Variants in FER observed in about 807,000 individuals in gnomAD.
FER encodes the protein tyrosine-protein kinase Fer.
In FER, 63 loss-of-function variants were observed where a neutral mutation model predicts 111.0. The ratio of observed to expected loss-of-function variants is 0.57; its 90% confidence interval spans 0.46 to 0.70. The LOEUF (loss-of-function observed/expected upper bound fraction) is 0.70, where lower values mean the gene tolerates loss of function less well. Among genes scored for constraint, FER ranks in the 30% least tolerant of loss-of-function variants. FER has a pLI of 0.00. For synonymous variants in FER, 327 were observed against 313.9 expected (o/e 1.04, Z -0.44); for missense variants, 914 against 954.0 (o/e 0.96, Z 0.55).
At chr5:109,003,874 G>A (rs1281546327) in intron 13 of FER, among the ~76,000 whole-genome samples, 1 of 152,050 alleles carries the variant, frequency 6.6e-6, no homozygotes, top group Non-Finnish European at 1.5e-5. Context: ...AAGCTACTTG[G>A]GATGCCAAGG....
chr5:108,791,780 TG>T (rs1755409544), intron 2 of FER, among the ~76,000 whole-genome samples: 1 of 152,128 alleles, frequency 6.6e-6, no homozygotes, highest in African/African-American at 2.4e-5. Context: ...AAAGATTACT[TG>T]TATGTTTTAT....
chr5:109,171,420 G>T (rs937574013), intron 17 of FER, among the ~76,000 whole-genome samples: 2 of 152,182 alleles, frequency 1.3e-5, no homozygotes, highest in Admixed American at 6.5e-5. Context: ...ATCTGTGGAA[G>T]TATTTAGTGT....
intron 10 of FER, among the ~76,000 whole-genome samples, chr5:108,931,241 A>T (rs975095128): frequency 6.6e-6 from 1 of 152,142 alleles, no homozygotes. Context: ...AGAGACTTCA[A>T]ATGGTATATT....
intron 14 of FER, among the ~76,000 whole-genome samples, chr5:109,039,620 C>A (rs1275105576): frequency 6.6e-6 from 1 of 151,992 alleles, no homozygotes; most frequent in Non-Finnish European, 1.5e-5. Context: ...GGAAATATAG[C>A]CACATGGACA....
chr5:109,110,141 C>G (rs1327446206), intron 17 of FER, among the ~76,000 whole-genome samples: 1 of 152,130 alleles, frequency 6.6e-6, no homozygotes, highest in African/African-American at 2.4e-5. Context: ...TTTGGCCAAG[C>G]ATTCTTCAAG....
Position 108,758,332 on chromosome 5 carries a change from T to C in FER, c.-205-9761T>C, listed in dbSNP as rs149119770. On this transcript the variant is annotated intron_variant, in intron 1 of 19. Coordinates refer to ENST00000281092, the MANE Select transcript of FER (RefSeq NM_005246.4). Reference sequence around the variant, plus strand: ...AGAGTTGAATCTGTGCTCCTAGTAATAGCTGTATGAATTTAGACAAATAAT... The same window carrying C: ...AGAGTTGAATCTGTGCTCCTAGTAACAGCTGTATGAATTTAGACAAATAAT... Among the ~76,000 whole-genome samples, 312 of 152,338 alleles carry C rather than the reference T, an allele frequency of 2.0e-3. 1 individual carries two copies. The highest frequency in any genetic ancestry group is 6.8e-3 in the African/African-American group (284 of 41,572).
intron 16 of FER, among the ~76,000 whole-genome samples, chr5:109,081,082 C>A (rs1008532277): frequency 6.6e-6 from 1 of 152,068 alleles, no homozygotes; most frequent in African/African-American, 2.4e-5. Flanking sequence ...CTAGAATGGA[C>A]TTTAGACAGC....
At chr5:108,905,010 A>T (rs957154766) in intron 10 of FER, among the ~76,000 whole-genome samples, 1 of 152,112 alleles carries the variant, frequency 6.6e-6, no homozygotes, top group African/African-American at 2.4e-5. Flanking sequence ...CTAACTTATA[A>T]AACAGGTAAG....
At chr5:109,041,371 A>G (rs1385801158) in intron 14 of FER, among the ~76,000 whole-genome samples, 3 of 152,160 alleles carry the variant, frequency 2.0e-5, no homozygotes, top group African/African-American at 7.2e-5. Context: ...GGAGAATATA[A>G]TAAAAGAATG....
chr5:109,044,909 T>C, intron 15 of FER, 114 bp downstream of exon 15: 2 of 568,400 alleles, frequency 3.5e-6, no homozygotes, highest in East Asian at 3.3e-5. Context: ...GTAAGCACTT[T>C]TACAGTATGG....
chr5:108,759,412 G>T (rs1015137689), intron 1 of FER, among the ~76,000 whole-genome samples: 2 of 152,164 alleles, frequency 1.3e-5, no homozygotes, highest in African/African-American at 4.8e-5. Flanking sequence ...TTCATCTTCA[G>T]AACTGTTATA....
intron 13 of FER, among the ~76,000 whole-genome samples, chr5:108,991,930 A>T (rs1763228710): frequency 6.9e-6 from 1 of 144,740 alleles, no homozygotes; most frequent in Admixed American, 7.0e-5. Context: ...GCAGAGGGGG[A>T]TTTGGCAGGG....
intron 13 of FER, among the ~76,000 whole-genome samples, chr5:108,984,447 A>G (rs752345713): frequency 6.6e-6 from 1 of 152,154 alleles, no homozygotes; most frequent in Non-Finnish European, 1.5e-5. Flanking sequence ...AGAGTATAAG[A>G]TTTGTTTGAA....
At chr5:109,172,229 C>A (rs980601640) in intron 17 of FER, among the ~76,000 whole-genome samples, 2 of 151,748 alleles carry the variant, frequency 1.3e-5, no homozygotes, top group East Asian at 1.9e-4. Flanking sequence ...GACTTGGAAC[C>A]AACCCAAATG....
chr5:108,787,086 C>T (rs896637136), intron 2 of FER, among the ~76,000 whole-genome samples: 1 of 152,006 alleles, frequency 6.6e-6, no homozygotes, highest in South Asian at 2.1e-4. Flanking sequence ...TGCAGCTGCC[C>T]AGCTGCAGCT....
intron 16 of FER, among the ~76,000 whole-genome samples, chr5:109,062,911 TA>T (rs1443200445): frequency 6.6e-6 from 1 of 152,250 alleles, no homozygotes; most frequent in African/African-American, 2.4e-5. Flanking sequence ...AAACTCATCG[TA>T]ATTTTAAAAT....
At chr5:108,768,551 A>G (rs1208460661) in intron 2 of FER, among the ~76,000 whole-genome samples, 1 of 152,196 alleles carries the variant, frequency 6.6e-6, no homozygotes, top group East Asian at 1.9e-4. Flanking sequence ...CAAACTGAAC[A>G]TATCATATTT....
chr5:108,908,752 A>G (rs1460998321), intron 10 of FER, among the ~76,000 whole-genome samples: 1 of 151,994 alleles, frequency 6.6e-6, no homozygotes, highest in Non-Finnish European at 1.5e-5. Flanking sequence ...TTATATTTGA[A>G]GGCCAGGTGT....
intron 13 of FER, among the ~76,000 whole-genome samples, chr5:109,001,154 C>A (rs1018476303): frequency 6.6e-6 from 1 of 152,146 alleles, no homozygotes; most frequent in Non-Finnish European, 1.5e-5. Context: ...CATCCTGATA[C>A]CAAAGCCTGG....
Sources: allele counts gnomAD v4.1 joint callset (sites outside exome capture counted in the v4.1 genomes callset), GRCh38; gene constraint gnomAD v4.1.1; transcripts MANE v1.5; gene names NCBI Gene and HGNC (gene_info 2026-07-23, HGNC 2026-07-21).